Variants in KCNH6 observed in about 807,000 individuals in gnomAD.
The protein encoded by KCNH6 is potassium voltage-gated channel subfamily H member 6.
KCNH6 carries 81 observed loss-of-function variants against 83.4 expected under a neutral mutation model. The observed-to-expected ratio is 0.97, with a 90% CI of 0.81 to 1.17. The LOEUF (loss-of-function observed/expected upper bound fraction) is 1.17. Ranked by LOEUF, KCNH6 falls within the 50% of genes most tolerant of loss-of-function variation. KCNH6 has a pLI of 0.00. For missense variants in KCNH6, 1,203 were observed against 1,290.5 expected (o/e 0.93, Z 1.04); for synonymous variants, 503 against 545.6 (o/e 0.92, Z 1.09).
chr17:63,527,226 C>T (rs141288458), intron 2 of KCNH6, among the ~76,000 whole-genome samples: 2 of 152,168 alleles, frequency 1.3e-5, no homozygotes, highest in African/African-American at 4.8e-5. Context: ...GCTGTCTGCC[C>T]CCACCCTCCT....
chr17:63,545,130 A>G lies in KCNH6; in HGVS notation c.2449A>G (p.Lys817Glu), dbSNP rs371308976. 1.1e-5 allele frequency: 18 copies of G among 1,613,674 alleles called. No homozygotes were observed. The highest frequency in any genetic ancestry group is 2.7e-5 in the African/African-American group (2 of 74,908). Reference protein sequence around the residue: ...DLSRILQLLQKPMPQGHASYI... With the variant: ...DLSRILQLLQEPMPQGHASYI... ...CAGCCGCATCTTGCAGCTCCTCCAG[A>G]AGCCCATGCCCCAGGGCCACGCCAG... The change falls in exon 12 of 13, where the codon AAG (lysine) becomes GAG (glutamate). Residue 817 changes from lysine (K) to glutamate (E), a missense_variant. Transcript: ENST00000314672.
intron 2 of KCNH6, among the ~76,000 whole-genome samples, chr17:63,527,906 C>T (rs952092319): frequency 1.3e-5 from 2 of 152,156 alleles, no homozygotes; most frequent in African/African-American, 4.8e-5. Context: ...CACGCACTGG[C>T]ACCCCACCCC....
intron 2 of KCNH6, among the ~76,000 whole-genome samples, chr17:63,525,658 G>A (rs1290889045): frequency 6.6e-6 from 1 of 152,198 alleles, no homozygotes; most frequent in Non-Finnish European, 1.5e-5. Context: ...GCTTCTCAGA[G>A]TTACAGCTTC....
intron 6 of KCNH6, among the ~76,000 whole-genome samples, chr17:63,537,496 A>G (rs1276740438): frequency 6.6e-6 from 1 of 152,080 alleles, no homozygotes; most frequent in Admixed American, 6.5e-5. Context: ...GCTCAGTGGC[A>G]TGGTCTTGGC....
downstream of KCNH6, among the ~76,000 whole-genome samples, chr17:63,548,109 CA>C (rs1055682961): frequency 1.1e-4 from 17 of 151,146 alleles, no homozygotes; most frequent in South Asian, 1.0e-3. Flanking sequence ...ACTAAAAATA[CA>C]AAAAAAATAG....
chr17:63,544,085 C>T (rs1267745247), intron 10 of KCNH6, 164 bp from the exon 11 acceptor site: 12 of 1,609,388 alleles, frequency 7.5e-6, no homozygotes, highest in Non-Finnish European at 1.0e-5. Context: ...GCCAGAACTC[C>T]ATGGGGGCAG....
At chr17:63,536,270 A>G (rs767615894) in intron 6 of KCNH6, 8 of 587,242 alleles carry the variant, frequency 1.4e-5, no homozygotes, top group Non-Finnish European at 2.4e-5. Flanking sequence ...AGCCCATGCT[A>G]TCTGCCAGGC....
At position 63,538,694 on chromosome 17, in the gene KCNH6, T is replaced by C; in HGVS notation, c.1954+32T>C. The C allele has an allele frequency of 2.0e-6, 3 of 1,538,352 alleles. No homozygotes were observed. Among genetic ancestry groups the C allele is most frequent in the Non-Finnish European group, 2.6e-6 (3 of 1,138,876 alleles). The stretch of plus-strand genomic sequence containing the variant: ...CCGGCGGAGTGGACCAGGCCTGTGT[T>C]GGGGATTGGATGGAAGAGGGCGGGA... On this transcript the variant is annotated intron_variant, in intron 8 of 12. Coordinates refer to ENST00000314672, the MANE Select transcript of KCNH6 (RefSeq NM_001278919.2). The surrounding 1 kb of genome is among the most constrained non-coding windows in gnomAD (Gnocchi z 4.0).
chr17:63,545,564 C>T (rs1225764680), intron 12 of KCNH6, 45 bp from the exon 13 acceptor site: 2 of 1,576,428 alleles, frequency 1.3e-6, no homozygotes, highest in African/African-American at 1.3e-5. Context: ...GTGGATTAAC[C>T]CGCAGCCTGG....
At chr17:63,528,287 C>T (rs888084789) in intron 2 of KCNH6, among the ~76,000 whole-genome samples, 5 of 152,160 alleles carry the variant, frequency 3.3e-5, no homozygotes, top group East Asian at 3.9e-4. Flanking sequence ...GGGCCTATAG[C>T]ACTATGTGCC....
intron 8 of KCNH6, among the ~76,000 whole-genome samples, chr17:63,540,610 G>T (rs2032801600): frequency 6.6e-6 from 1 of 152,150 alleles, no homozygotes; most frequent in Non-Finnish European, 1.5e-5. Flanking sequence ...ATGTTGCCCA[G>T]ATTTCAAGCT....
At chr17:63,536,952 CAAAA>C (rs60039258) in intron 6 of KCNH6, among the ~76,000 whole-genome samples, 6 of 56,510 alleles carry the variant, frequency 1.1e-4, no homozygotes, top group East Asian at 5.7e-4. Context: ...GACTCCGTCT[CAAAA>C]AAAAAAAAAA....
rs200259048 is a variant in KCNH6 at position 63,530,359 on chromosome 17, C to T, written c.492C>T (p.Gly164=). 7 of 1,614,090 alleles carry T rather than the reference C, an allele frequency of 4.3e-6. No individual in the cohort carries two copies. Among genetic ancestry groups the T allele is most frequent in the South Asian group, 3.3e-5 (3 of 91,088 alleles). ...LGSEGSHGRP[G]GPGPGTGRGK... The stretch of plus-strand genomic sequence containing the variant: ...CAGAGGGCTCTCATGGCAGGCCAGG[C>T]GGACCAGGGCCAGGCACAGGCAGGG... The change falls in exon 4 of 13, where the codon GGC becomes GGT. Residue 164 remains glycine, a synonymous_variant. Transcript: ENST00000314672.
chr17:63,547,999 C>T (rs1246871232), downstream of KCNH6, among the ~76,000 whole-genome samples: 1 of 150,818 alleles, frequency 6.6e-6, no homozygotes, highest in East Asian at 1.9e-4. Flanking sequence ...GGCGCAGTGG[C>T]TCACACCTGT....
In KCNH6 at chr17:63,538,053, C is replaced by T. The variant is rs767994687; in HGVS notation, c.1502-12C>T. 9.9e-6 allele frequency: 16 copies of T among 1,611,172 alleles called. No individual in the cohort carries two copies. The South Asian group carries it at 1.6e-4, about 17-fold the overall frequency. On this transcript the variant is annotated splice_polypyrimidine_tract_variant and intron_variant, in intron 6 of 12. Transcript: ENST00000314672. This position sits in a 1 kb window ranked among gnomAD's most constrained non-coding sequence, Gnocchi z 4.0. The stretch of plus-strand genomic sequence containing the variant: ...GGGCCGCGGAGGAGCTCACTCTCCG[C>T]CCCGCCCCCAGCCCTGATGTACGCC...
intron 9 of KCNH6, among the ~76,000 whole-genome samples, chr17:63,542,694 G>A (rs1206450106): frequency 6.6e-6 from 1 of 152,200 alleles, no homozygotes; most frequent in Non-Finnish European, 1.5e-5. Flanking sequence ...TTTCAGATGA[G>A]GAAACTGAGG....
rs757472778 is a variant in KCNH6 at position 63,545,281 on chromosome 17, T to C, written c.2583+17T>C. On this transcript the variant is annotated intron_variant, in intron 12 of 12. Coordinates refer to ENST00000314672, the MANE Select transcript of KCNH6 (RefSeq NM_001278919.2). ...CCTGCACAGGTAAGAGGTGAGGGGA[T>C]TCCCAGGGGCTTACCTGCGAGCAGC... The C allele has an allele frequency of 6.2e-7, 1 of 1,611,712 alleles. No individual in the cohort carries two copies. Among genetic ancestry groups the C allele is most frequent in the Non-Finnish European group, 8.5e-7 (1 of 1,179,178 alleles).
In KCNH6 at chr17:63,546,078, A is replaced by G. The variant is rs765380317; in HGVS notation, c.*176A>G. The stretch of plus-strand genomic sequence containing the variant: ...TGAAACCCCACCTCTACTAAAATTA[A>G]AAAAGAAAAAAAATAGCCGGGCGTG... On this transcript the variant is annotated 3_prime_UTR_variant, in exon 13 of 13. Coordinates refer to ENST00000314672, the MANE Select transcript of KCNH6 (RefSeq NM_001278919.2). 7.3e-5 allele frequency: 42 copies of G among 577,506 alleles called. No individual in the cohort carries two copies. Among genetic ancestry groups the G allele is most frequent in the Non-Finnish European group, 1.1e-4 (36 of 332,340 alleles). The allele number at this position is 577,506 out of a possible 1,614,324, so 35.8% of individuals were successfully genotyped here.
At chr17:63,529,593 C>T (rs925937301) in intron 2 of KCNH6, among the ~76,000 whole-genome samples, 4 of 152,204 alleles carry the variant, frequency 2.6e-5, no homozygotes, top group African/African-American at 9.7e-5. Context: ...CCTCCTGAGG[C>T]CAAATGTTCC....
Sources: gnomAD v4.1 joint callset for allele counts (sites outside exome capture counted in the v4.1 genomes callset) on GRCh38, gnomAD v4.1.1 for gene constraint, Gnocchi (gnomAD v3.1) non-coding constraint, MANE v1.5 for transcripts, NCBI Gene and HGNC (gene_info 2026-07-23, HGNC 2026-07-21) for gene names.